TEAD1: variants seen among roughly 807,000 people sequenced by gnomAD.
TEAD1 encodes transcriptional enhancer factor TEF-1.
Under a neutral mutation model 54.9 loss-of-function variants are expected in TEAD1, and 9 were observed. That is an observed-to-expected ratio of 0.16 (90% CI 0.10 to 0.29). TEAD1 has a LOEUF of 0.29. Among genes scored for constraint, TEAD1 ranks in the 10% least tolerant of loss-of-function variants. The probability of loss-of-function intolerance (pLI) is 1.00; values close to 1 mark genes in which losing one functional copy is unlikely to be tolerated. For missense variants in TEAD1, 387 were observed against 535.9 expected, an observed-to-expected ratio of 0.72 and a Z score of 2.74; for synonymous variants, 200 against 187.8, an observed-to-expected ratio of 1.07 and a Z score of -0.53.
intron 3 of TEAD1, among the ~76,000 whole-genome samples, chr11:12,826,527 G>A (rs1257384452): frequency 2.0e-5 from 3 of 152,184 alleles, no homozygotes; most frequent in Non-Finnish European, 2.9e-5. Flanking sequence ...ATAAGTGAGA[G>A]TAATATAACA....
chr11:12,759,505 C>G (rs1211792085), intron 2 of TEAD1, among the ~76,000 whole-genome samples: 1 of 152,066 alleles, frequency 6.6e-6, no homozygotes, highest in East Asian at 1.9e-4. Context: ...AATAAAGGAT[C>G]TTTCAGAAAA....
intron 5 of TEAD1, among the ~76,000 whole-genome samples, chr11:12,866,970 T>C (rs1270590077): frequency 6.6e-6 from 1 of 152,126 alleles, no homozygotes. Context: ...ATGAGCTTCG[T>C]GGAGAGTATA....
chr11:12,690,419 A>G lies in TEAD1; in HGVS notation c.-55+14858A>G, dbSNP rs115038270. Among the ~76,000 whole-genome samples the G allele has an allele frequency of 6.5e-3, 990 of 152,180 alleles. 6 individuals are homozygous for G. Among genetic ancestry groups the G allele is most frequent in the African/African-American group, 0.023 (945 of 41,506 alleles). ...TGTTTCTTAAAACTCTTTAAATCAC[A>G]TCCCCACCTTTCTTGTAATTGATTT... On this transcript the variant is annotated intron_variant, in intron 2 of 12. Coordinates refer to ENST00000527636, the MANE Select transcript of TEAD1 (RefSeq NM_021961.6).
At chr11:12,789,963 G>A (rs1004140267) in intron 3 of TEAD1, among the ~76,000 whole-genome samples, 37 of 152,248 alleles carry the variant, frequency 2.4e-4, no homozygotes, top group Admixed American at 1.3e-4. Context: ...GGCTGCTTGA[G>A]TCCTTGCTCT....
At chr11:12,838,639 A>ATATCCT (rs1373780381) in intron 3 of TEAD1, among the ~76,000 whole-genome samples, 1 of 152,192 alleles carries the variant, frequency 6.6e-6, no homozygotes, top group African/African-American at 2.4e-5. Flanking sequence ...CAGAGTCAGG[A>ATATCCT]TATTCTTAGT....
chr11:12,867,022 C>T (rs1006040760), intron 5 of TEAD1, among the ~76,000 whole-genome samples: 2 of 152,098 alleles, frequency 1.3e-5, no homozygotes, highest in Admixed American at 6.5e-5. Context: ...CAGCCTAATG[C>T]GTGCTCCCTC....
intron 3 of TEAD1, among the ~76,000 whole-genome samples, chr11:12,815,149 C>T (rs1403601384): frequency 6.6e-6 from 1 of 152,042 alleles, no homozygotes; most frequent in Non-Finnish European, 1.5e-5. Context: ...GAGCCCCTGT[C>T]CCCAAATCTC....
intron 3 of TEAD1, among the ~76,000 whole-genome samples, chr11:12,804,380 TTC>T (rs1946125414): frequency 6.6e-6 from 1 of 152,230 alleles, no homozygotes; most frequent in Non-Finnish European, 1.5e-5. Context: ...CTTCGCTTCT[TTC>T]TCTGAAAACC....
At chr11:12,740,131 C>G (rs1160532368) in intron 2 of TEAD1, among the ~76,000 whole-genome samples, 1 of 152,204 alleles carries the variant, frequency 6.6e-6, no homozygotes, top group African/African-American at 2.4e-5. Context: ...ATCAATTAAA[C>G]TCTGGAGTCA....
intron 3 of TEAD1, among the ~76,000 whole-genome samples, chr11:12,775,331 C>T (rs934768874): frequency 4.6e-5 from 7 of 152,232 alleles, no homozygotes; most frequent in South Asian, 2.1e-4. Flanking sequence ...AGTGGCCCTC[C>T]GCAGCATCAG....
intron 3 of TEAD1, among the ~76,000 whole-genome samples, chr11:12,829,123 G>A (rs563803002): frequency 6.6e-6 from 1 of 152,264 alleles, no homozygotes; most frequent in Admixed American, 6.5e-5. Flanking sequence ...CTCTGATCCA[G>A]AGAAACTCCC....
intron 3 of TEAD1, among the ~76,000 whole-genome samples, chr11:12,772,405 C>G (rs548057900): frequency 1.2e-3 from 184 of 152,216 alleles, no homozygotes; most frequent in Non-Finnish European, 2.1e-3. Context: ...GGGAAAGGAG[C>G]CTCTTTTCCT....
intron 2 of TEAD1, among the ~76,000 whole-genome samples, chr11:12,744,909 A>G (rs181483652): frequency 1.6e-3 from 251 of 152,248 alleles, no homozygotes; most frequent in Non-Finnish European, 2.8e-3. Context: ...GAGAGGCCCT[A>G]ATGGGCTTGT....
At position 12,828,928 on chromosome 11, in the gene TEAD1, G is replaced by A. The variant is rs79543059; in HGVS notation, c.203-33322G>A. ...AAATAAATTAGTTAAATTCTGTTGT[G>A]TATATTTCTGCAGATGATAATGTTT... On this transcript the variant is annotated intron_variant, in intron 3 of 12. Coordinates refer to ENST00000527636, the MANE Select transcript of TEAD1 (RefSeq NM_021961.6). Among the ~76,000 whole-genome samples the A allele has an allele frequency of 1.5e-3, 226 of 151,492 alleles. 10 individuals are homozygous for A. In the East Asian group the frequency reaches 0.038, roughly 25 times the overall value.
chr11:12,777,690 C>T (rs1010799316), intron 3 of TEAD1, among the ~76,000 whole-genome samples: 7 of 152,304 alleles, frequency 4.6e-5, no homozygotes, highest in Admixed American at 6.5e-5. Flanking sequence ...AATCTCTGTA[C>T]TAAGATGTGC....
chr11:12,932,034 A>G (rs971318979), intron 12 of TEAD1, among the ~76,000 whole-genome samples: 2 of 152,240 alleles, frequency 1.3e-5, no homozygotes, highest in Non-Finnish European at 2.9e-5. Flanking sequence ...CATGATTGGC[A>G]TACAACTAGC....
In TEAD1 at chr11:12,788,384, G is replaced by A. The variant is rs568781651; in HGVS notation, c.202+23950G>A. Among the ~76,000 whole-genome samples, 23 of 152,028 alleles carry A rather than the reference G, an allele frequency of 1.5e-4. No homozygotes were observed. In the East Asian group the frequency reaches 4.1e-3, roughly 27 times the overall value. On this transcript the variant is annotated intron_variant, in intron 3 of 12. Transcript: ENST00000527636. Reference sequence around the variant, plus strand: ...TGACCTCAGGTGATCCGCCCGCCTCGGCCTCCCAAAGTGCTAGGATTACAG... The same window carrying A: ...TGACCTCAGGTGATCCGCCCGCCTCAGCCTCCCAAAGTGCTAGGATTACAG...
intron 12 of TEAD1, among the ~76,000 whole-genome samples, chr11:12,933,581 A>G (rs905089076): frequency 2.0e-5 from 3 of 152,040 alleles, no homozygotes; most frequent in African/African-American, 7.2e-5. Flanking sequence ...TTCGTCCCCA[A>G]ATATTTTCCA....
chr11:12,804,978 T>A (rs1590168505), intron 3 of TEAD1, among the ~76,000 whole-genome samples: 1 of 152,292 alleles, frequency 6.6e-6, no homozygotes, highest in Non-Finnish European at 1.5e-5. Flanking sequence ...AGCAGCACAT[T>A]TGTCCAGTAG....
Sources: gnomAD v4.1 joint callset for allele counts (sites outside exome capture counted in the v4.1 genomes callset) on GRCh38, gnomAD v4.1.1 for gene constraint, MANE v1.5 for transcripts, NCBI Gene and HGNC (gene_info 2026-07-23, HGNC 2026-07-21) for gene names.